PFKFB3: variants seen among roughly 807,000 people sequenced by gnomAD.
PFKFB3 encodes the protein 6-phosphofructo-2-kinase/fructose-2,6-bisphosphatase 3.
Under a neutral mutation model 68.0 loss-of-function variants are expected in PFKFB3, and 33 were observed. The ratio of observed to expected loss-of-function variants is 0.49; its 90% CI spans 0.37 to 0.65. The LOEUF (loss-of-function observed/expected upper bound fraction) is 0.65, where lower values mean the gene tolerates loss of function less well. PFKFB3 is among the 30% of genes least tolerant of loss of function. The pLI is 0.00. For missense variants in PFKFB3, 586 were observed against 712.2 expected, an observed-to-expected ratio of 0.82 and a Z score of 2.02; for synonymous variants, 315 against 288.2, an observed-to-expected ratio of 1.09 and a Z score of -0.94.
chr10:6,297,751 C>A, the PFKFB3 span, among the ~76,000 whole-genome samples: 3 of 152,106 alleles, frequency 2.0e-5, no homozygotes, highest in African/African-American at 7.2e-5. Flanking sequence ...GTCAAGTGAT[C>A]GAGGATACTT....
intron 13 of PFKFB3, 52 bp downstream of exon 13, chr10:6,224,265 G>A (rs1252689284): frequency 6.4e-7 from 1 of 1,573,912 alleles, no homozygotes; most frequent in East Asian, 2.2e-5. Flanking sequence ...GATAGCCCTA[G>A]TGGGTGATGG....
At chr10:6,296,697 T>C in the PFKFB3 span, among the ~76,000 whole-genome samples, 1 of 152,246 alleles carries the variant, frequency 6.6e-6, no homozygotes, top group Non-Finnish European at 1.5e-5. Context: ...GTCGTGGTGC[T>C]GGTGGGAGTG....
chr10:6,300,058 T>C, the PFKFB3 span, among the ~76,000 whole-genome samples: 2 of 151,576 alleles, frequency 1.3e-5, no homozygotes, highest in African/African-American at 2.4e-5. Context: ...ACTTAAATTT[T>C]TTCTGCCTTT....
the PFKFB3 span, among the ~76,000 whole-genome samples, chr10:6,313,785 A>G: frequency 1.3e-5 from 2 of 152,316 alleles, no homozygotes; most frequent in African/African-American, 4.8e-5. This position sits in a 1 kb window ranked among gnomAD's most constrained non-coding sequence, Gnocchi z 4.2. Context: ...CTTGGAATGA[A>G]AGAAGAATGA....
intron 1 of PFKFB3, among the ~76,000 whole-genome samples, chr10:6,194,369 G>A (rs637452): frequency 0.82 from 124,691 of 152,216 alleles, 51,983 homozygotes; most frequent in East Asian, 0.93. Flanking sequence ...CTCACTCTTT[G>A]GTGAATTGCA....
At chr10:6,207,162 G>T (rs1325501112) in intron 1 of PFKFB3, among the ~76,000 whole-genome samples, 19 of 152,340 alleles carry the variant, frequency 1.2e-4, no homozygotes, top group East Asian at 3.9e-4. Flanking sequence ...AGCACTGAGT[G>T]AACGAGACTC....
At chr10:6,274,237 C>T in the PFKFB3 span, among the ~76,000 whole-genome samples, 1 of 151,964 alleles carries the variant, frequency 6.6e-6, no homozygotes, top group East Asian at 1.9e-4. Context: ...TGTGTAAGTC[C>T]CTCCATCTGA....
chr10:6,237,651 C>T (rs1372800788), downstream of PFKFB3, among the ~76,000 whole-genome samples: 2 of 152,134 alleles, frequency 1.3e-5, no homozygotes, highest in East Asian at 1.9e-4. Flanking sequence ...CTGCAACCTC[C>T]GTCTCCAGGG....
chr10:6,176,643 C>T (rs1424164451), intron 1 of PFKFB3, among the ~76,000 whole-genome samples: 1 of 152,170 alleles, frequency 6.6e-6, no homozygotes, highest in African/African-American at 2.4e-5. Flanking sequence ...GCCTTGGCCA[C>T]CCAAAGCACT....
the PFKFB3 span, among the ~76,000 whole-genome samples, chr10:6,301,715 A>G: frequency 6.6e-6 from 1 of 152,370 alleles, no homozygotes; most frequent in East Asian, 1.9e-4. Context: ...GGGGATCGCC[A>G]AGTGTGATGG....
chr10:6,286,424 C>T, the PFKFB3 span, among the ~76,000 whole-genome samples: 1 of 152,160 alleles, frequency 6.6e-6, no homozygotes, highest in Non-Finnish European at 1.5e-5. Context: ...GTCACTCAGG[C>T]TGGAGTGGAG....
intron 1 of PFKFB3, among the ~76,000 whole-genome samples, chr10:6,177,424 C>CTTT (rs1842530448): frequency 3.0e-4 from 10 of 33,592 alleles, no homozygotes; most frequent in Non-Finnish European, 5.4e-4. Context: ...TCTCTTTCTT[C>CTTT]CTTTCTTTTC....
At chr10:6,186,100 G>A (rs1045554041) in intron 1 of PFKFB3, among the ~76,000 whole-genome samples, 5 of 152,212 alleles carry the variant, frequency 3.3e-5, no homozygotes, top group Admixed American at 1.3e-4. Flanking sequence ...TGGTGTTTTC[G>A]GTGGTATATG....
At chr10:6,317,329 A>G in the PFKFB3 span, among the ~76,000 whole-genome samples, 2 of 152,184 alleles carry the variant, frequency 1.3e-5, no homozygotes, top group Non-Finnish European at 2.9e-5. Context: ...GACTTTGGTA[A>G]TGAACCTTCA....
At position 6,223,443 on chromosome 10, in the gene PFKFB3, C is replaced by T. The variant is rs573851430; in HGVS notation, c.1213+459C>T. Among the ~76,000 whole-genome samples, 6 of 152,284 alleles carry T rather than the reference C, an allele frequency of 3.9e-5. No homozygotes were observed. In the South Asian group the frequency reaches 6.2e-4, roughly 16 times the overall value. On this transcript the variant is annotated intron_variant, in intron 11 of 14. Transcript: ENST00000379775. ...TGACTTTTTCCCAACTCTAAGTCAC[C>T]GTGAGGGCGAGTCTTTTGGTTTGGT...
intron 1 of PFKFB3, among the ~76,000 whole-genome samples, chr10:6,156,288 G>C (rs1232457448): frequency 6.6e-6 from 1 of 150,950 alleles, no homozygotes; most frequent in Non-Finnish European, 1.5e-5. Flanking sequence ...TGAGTAGCTG[G>C]GACCGCAGGT....
intron 1 of PFKFB3, among the ~76,000 whole-genome samples, chr10:6,157,290 G>C (rs57715166): frequency 1.3e-5 from 2 of 149,926 alleles, no homozygotes; most frequent in African/African-American, 4.9e-5. Flanking sequence ...GCAGTGGCGC[G>C]ATCTCGGCTC....
chr10:6,230,862 C>A (rs1187834958), intron 14 of PFKFB3, among the ~76,000 whole-genome samples: 1 of 152,184 alleles, frequency 6.6e-6, no homozygotes, highest in South Asian at 2.1e-4. Context: ...ATTACAGGCG[C>A]CCGCCACCAT....
the PFKFB3 span, among the ~76,000 whole-genome samples, chr10:6,306,076 G>A: frequency 4.6e-5 from 7 of 152,292 alleles, no homozygotes; most frequent in South Asian, 1.4e-3. Flanking sequence ...AGGCTGGAGA[G>A]CAGAGGCTCT....
Sources: gnomAD v4.1 joint callset for allele counts (sites outside exome capture counted in the v4.1 genomes callset) on GRCh38, gnomAD v4.1.1 for gene constraint, Gnocchi (gnomAD v3.1) non-coding constraint, MANE v1.5 for transcripts, NCBI Gene and HGNC (gene_info 2026-07-23, HGNC 2026-07-21) for gene names.